The following STN1 variants were observed in gnomAD, a reference collection of about 807,000 sequenced individuals.
The protein encoded by STN1 is CST complex subunit STN1.
A neutral mutation model predicts 45.5 loss-of-function variants in STN1; 29 were observed. The ratio of observed to expected loss-of-function variants is 0.64; its 90% CI spans 0.47 to 0.87. STN1 has a LOEUF of 0.87. Among genes scored for constraint, STN1 ranks in the 40% least tolerant of loss-of-function variants. The pLI, the probability that STN1 is intolerant of heterozygous loss-of-function variation, is 0.00. For synonymous variants in STN1, 148 were observed against 159.0 expected, an observed-to-expected ratio of 0.93 and a Z score of 0.52; for missense variants, 376 against 441.4, an observed-to-expected ratio of 0.85 and a Z score of 1.33.
chr10:103,918,080 A>G lies in STN1; in HGVS notation c.-63+20T>C, dbSNP rs1843347350. ...TGAGCCAAGAAAAGGAGGAAAAAAG[A>G]TACTAAAAAATGGACCCACTTGTAG... On this transcript the variant is annotated intron_variant, in intron 1 of 9. Coordinates refer to ENST00000224950, the MANE Select transcript of STN1 (RefSeq NM_024928.5). The G allele has an allele frequency of 1.3e-5, 2 of 153,346 alleles. No individual in the cohort carries two copies. The highest frequency in any genetic ancestry group is 6.5e-5 in the Admixed American group (1 of 15,358). The allele number at this position is 153,346 out of a possible 1,614,324, so 9.5% of individuals were successfully genotyped here.
chr10:103,914,335 CATATATATATATATAT>C (rs1239270984), intron 2 of STN1, among the ~76,000 whole-genome samples: 10 of 35,570 alleles, frequency 2.8e-4, no homozygotes, highest in South Asian at 3.5e-3. Flanking sequence ...ATTAAAAATA[CATATATATATATATAT>C]ATATATATAT....
At chr10:103,907,944 C>G (rs1024174174) in intron 3 of STN1, among the ~76,000 whole-genome samples, 1 of 152,044 alleles carries the variant, frequency 6.6e-6, no homozygotes, top group African/African-American at 2.4e-5. Flanking sequence ...GCCTGGCCAA[C>G]ATGGTGAAAC....
chr10:103,882,821 A>G lies in STN1; in HGVS notation c.970T>C (p.Phe324Leu), dbSNP rs202001347. ...CGAGCACAGGCCAAGATGTGCAGGA[A>G]GTGACAGCCCTTCTCCATGTCTGCA... ...KPNHMEKGCH[F>L]LHILACARLS... is the part of the protein sequence containing the mutation. The change falls in exon 10 of 10, where the codon TTC becomes CTC. Residue 324 changes from phenylalanine to leucine, a missense_variant. By Grantham distance (22) the Phe-to-Leu change is conservative. Transcript: ENST00000224950. 2 of 1,613,252 alleles carry G rather than the reference A, an allele frequency of 1.2e-6. No individual in the cohort carries two copies. The highest frequency in any genetic ancestry group is 1.3e-5 in the African/African-American group (1 of 75,032).
chr10:103,910,392 A>C, intron 3 of STN1, 135 bp downstream of exon 3: 2 of 529,994 alleles, frequency 3.8e-6, no homozygotes, highest in South Asian at 5.3e-5. Flanking sequence ...TATAAGGGGC[A>C]CCCCATAGAG....
chr10:103,892,060 T>A, intron 8 of STN1, 70 bp downstream of exon 8: 1 of 1,242,552 alleles, frequency 8.0e-7, no homozygotes, highest in Non-Finnish European at 1.1e-6. Context: ...ATTAAGTGGT[T>A]ATTCATAAGT....
At chr10:103,906,834 AATTT>A (rs774565426) in intron 3 of STN1, among the ~76,000 whole-genome samples, 4 of 152,270 alleles carry the variant, frequency 2.6e-5, no homozygotes, top group Non-Finnish European at 4.4e-5. Context: ...AAGTATACAT[AATTT>A]ATCAACAATG....
At chr10:103,910,204 T>C (rs1272029219) in intron 3 of STN1, among the ~76,000 whole-genome samples, 5 of 152,222 alleles carry the variant, frequency 3.3e-5, no homozygotes, top group South Asian at 2.1e-4. Context: ...TACCACGCTT[T>C]GCTATTTACA....
Position 103,882,624 on chromosome 10 carries a change from G to A in STN1, c.*60C>T. The A allele has an allele frequency of 1.3e-6, 2 of 1,527,610 alleles. No individual in the cohort carries two copies. The highest frequency in any genetic ancestry group is 1.8e-6 in the Non-Finnish European group (2 of 1,131,268). The allele number at this position is 1,527,610 out of a possible 1,614,324, so 94.6% of individuals were successfully genotyped here. A position where few individuals can be genotyped will look rare whatever the true frequency, so the allele number is the denominator to read the frequency against. Reference sequence around the variant, plus strand: ...AGCCCCTGCATGATGCTGAAAGTCAGAGCCTGGGGGTGAATGCCACCTTAT... The same window carrying A: ...AGCCCCTGCATGATGCTGAAAGTCAAAGCCTGGGGGTGAATGCCACCTTAT... On this transcript the variant is annotated 3_prime_UTR_variant, in exon 10 of 10. Coordinates refer to ENST00000224950, the MANE Select transcript of STN1 (RefSeq NM_024928.5).
intron 3 of STN1, 96 bp downstream of exon 3, chr10:103,910,431 A>G (rs2134375004): frequency 4.0e-6 from 3 of 752,646 alleles, no homozygotes; most frequent in Non-Finnish European, 6.9e-6. Context: ...GAGGGTCCCC[A>G]GCTACTCTAA....
rs752749912 is a variant in STN1, at chr10:103,900,185, GT to G, written c.333del (p.Gln112AsnfsTer15). On this transcript the variant is annotated frameshift_variant, in exon 5 of 10. Coordinates refer to ENST00000224950, the MANE Select transcript of STN1 (RefSeq NM_024928.5). LOFTEE classifies it high-confidence loss of function. ...PSAARELSLT[S>X]QLKKLQETIE... is the part of the protein sequence containing the mutation. The stretch of plus-strand genomic sequence containing the variant: ...ATGGTCTCTTGTAGCTTCTTAAGTT[GT>G]GAGGTTAAGCTGAGCTCTCTTGCTG... 6.2e-7 allele frequency: 1 copy of G among 1,614,170 alleles called. No homozygotes were observed. The highest frequency in any genetic ancestry group is 1.1e-5 in the South Asian group (1 of 91,084).
At chr10:103,915,669 T>C (rs1220401349) in intron 2 of STN1, among the ~76,000 whole-genome samples, 2 of 152,192 alleles carry the variant, frequency 1.3e-5, no homozygotes, top group Non-Finnish European at 2.9e-5. Flanking sequence ...TTTGCCTTTA[T>C]AGTAAATGGA....
intron 9 of STN1, among the ~76,000 whole-genome samples, chr10:103,886,963 A>C (rs533999925): frequency 1.3e-5 from 2 of 152,226 alleles, no homozygotes; most frequent in Non-Finnish European, 2.9e-5. Flanking sequence ...TCAATCCTTC[A>C]GGGACCTAAG....
In STN1 at chr10:103,916,186, A is replaced by C. The variant is rs75501739; in HGVS notation, c.133+1276T>G. On this transcript the variant is annotated intron_variant, in intron 2 of 9. Transcript: ENST00000224950. ...TCTCACCAGTGATAAATCAAAGATCACTGGTCCTGTTTTTGTTGGTTTGTT... is the reference window on the plus strand; with the variant it reads ...TCTCACCAGTGATAAATCAAAGATCCCTGGTCCTGTTTTTGTTGGTTTGTT... Among the ~76,000 whole-genome samples, 1,141 of 152,328 alleles carry C rather than the reference A, an allele frequency of 7.5e-3. 15 individuals carry two copies. The highest frequency in any genetic ancestry group is 0.026 in the African/African-American group (1,092 of 41,564).
At chr10:103,907,946 T>C (rs1329436502) in intron 3 of STN1, among the ~76,000 whole-genome samples, 2 of 151,936 alleles carry the variant, frequency 1.3e-5, no homozygotes, top group Non-Finnish European at 2.9e-5. Flanking sequence ...CTGGCCAACA[T>C]GGTGAAACTA....
intron 3 of STN1, 24 bp from the exon 4 acceptor site, chr10:103,905,180 A>G (rs1564634274): frequency 5.0e-6 from 8 of 1,607,814 alleles, no homozygotes; most frequent in South Asian, 3.3e-5. Flanking sequence ...GCAAAAGGGT[A>G]TAAGAGAGAT....
chr10:103,903,558 T>C (rs1182958153), intron 4 of STN1, among the ~76,000 whole-genome samples: 1 of 152,130 alleles, frequency 6.6e-6, no homozygotes, highest in Non-Finnish European at 1.5e-5. Context: ...GCAGAAGTGG[T>C]TCTCATTCTC....
chr10:103,896,854 T>C (rs1466778646), intron 7 of STN1, among the ~76,000 whole-genome samples: 1 of 152,036 alleles, frequency 6.6e-6, no homozygotes, highest in African/African-American at 2.4e-5. Context: ...CTTAATCTTA[T>C]TATGCTTAAT....
chr10:103,894,236 C>T (rs939883614), intron 7 of STN1, among the ~76,000 whole-genome samples: 8 of 152,122 alleles, frequency 5.3e-5, no homozygotes, highest in African/African-American at 1.9e-4. Flanking sequence ...AGGTTTATTA[C>T]ATCTCTTAGC....
chr10:103,893,016 C>G (rs1843149742), intron 7 of STN1, among the ~76,000 whole-genome samples: 1 of 152,220 alleles, frequency 6.6e-6, no homozygotes, highest in Non-Finnish European at 1.5e-5. Flanking sequence ...TGGCCACCTC[C>G]TCCCTAGCAC....
Sources: allele counts gnomAD v4.1 joint callset (sites outside exome capture counted in the v4.1 genomes callset), GRCh38; gene constraint gnomAD v4.1.1; transcripts MANE v1.5; gene names NCBI Gene and HGNC (gene_info 2026-07-23, HGNC 2026-07-21).